Variants in RELN observed in about 807,000 individuals in gnomAD.
RELN encodes reelin.
A neutral mutation model predicts 427.6 loss-of-function variants in RELN; 108 were observed. That is an observed-to-expected ratio of 0.25 (90% CI 0.22 to 0.30). The LOEUF is 0.30. RELN is among the 10% of genes least tolerant of loss of function. The probability of loss-of-function intolerance (pLI) is 1.00; values close to 1 mark genes in which losing one functional copy is unlikely to be tolerated. For missense variants in RELN, 3,715 were observed against 4,302.8 expected, an observed-to-expected ratio of 0.86 and a Z score of 3.82; for synonymous variants, 1,524 against 1,513.4, an observed-to-expected ratio of 1.01 and a Z score of -0.16.
chr7:103,730,174 G>T (rs1303482062), intron 6 of RELN, among the ~76,000 whole-genome samples: 1 of 152,094 alleles, frequency 6.6e-6, no homozygotes, highest in African/African-American at 2.4e-5. Flanking sequence ...TGTCTCCAGT[G>T]ACTCTAAACT....
At chr7:103,627,729 C>T (rs1226068590) in intron 20 of RELN, among the ~76,000 whole-genome samples, 1 of 152,128 alleles carries the variant, frequency 6.6e-6, no homozygotes, top group African/African-American at 2.4e-5. Flanking sequence ...GCTCAAGGTG[C>T]CCATGGGGAT....
chr7:103,782,955 G>A (rs1054206792), intron 3 of RELN, among the ~76,000 whole-genome samples: 7 of 152,004 alleles, frequency 4.6e-5, no homozygotes, highest in African/African-American at 1.7e-4. Context: ...AAGAGCATTC[G>A]TTAATCAGCA....
chr7:103,662,142 G>T (rs1833157044), intron 11 of RELN, among the ~76,000 whole-genome samples: 1 of 152,082 alleles, frequency 6.6e-6, no homozygotes, highest in Non-Finnish European at 1.5e-5. Flanking sequence ...AATTCTCACA[G>T]TGACCCTATG....
At chr7:103,628,255 T>TA (rs1229170200) in intron 20 of RELN, 1 of 152,126 alleles carries the variant, frequency 6.6e-6, no homozygotes, top group African/African-American at 2.4e-5. Context: ...AGAACATCTG[T>TA]AAAAACAAGC....
At chr7:103,912,824 G>T (rs915245800) in intron 2 of RELN, among the ~76,000 whole-genome samples, 1 of 151,972 alleles carries the variant, frequency 6.6e-6, no homozygotes, top group Non-Finnish European at 1.5e-5. Flanking sequence ...TTGTATGAAA[G>T]GATATTCAAA....
Position 103,804,425 on chromosome 7 carries a change from C to A in RELN, c.474-27798G>T, listed in dbSNP as rs115511967. On this transcript the variant is annotated intron_variant, in intron 3 of 64. Transcript: ENST00000428762. ...TTATGCTCTGAATGTCTGACAAATT[C>A]GGAATAATGCCTGTTATACTATGCA... Among the ~76,000 whole-genome samples, 683 of 152,124 alleles carry A rather than the reference C, an allele frequency of 4.5e-3. 11 individuals are homozygous for A. Among genetic ancestry groups the A allele is most frequent in the African/African-American group, 0.016 (651 of 41,528 alleles).
intron 11 of RELN, among the ~76,000 whole-genome samples, chr7:103,670,217 T>C (rs1014021158): frequency 6.6e-6 from 1 of 152,148 alleles, no homozygotes. Context: ...TGATATGCAT[T>C]CTTGGTAGGG....
intron 28 of RELN, among the ~76,000 whole-genome samples, chr7:103,583,083 T>TG (rs1282988710): frequency 6.6e-6 from 1 of 152,174 alleles, no homozygotes; most frequent in Non-Finnish European, 1.5e-5. Flanking sequence ...TTACAGGCTG[T>TG]GGGGGGAAAG....
intron 46 of RELN, 90 bp downstream of exon 46, chr7:103,535,225 CA>C: frequency 8.1e-7 from 1 of 1,228,838 alleles, no homozygotes; most frequent in Non-Finnish European, 1.2e-6. Flanking sequence ...AAAACCCTCA[CA>C]TATCTCATTA....
intron 1 of RELN, among the ~76,000 whole-genome samples, chr7:103,919,407 G>A (rs1795563814): frequency 6.6e-6 from 1 of 152,008 alleles, no homozygotes; most frequent in Admixed American, 6.6e-5. Flanking sequence ...TCACACCAAG[G>A]AACTTCGACT....
At chr7:103,560,222 C>T (rs1830613559) in intron 36 of RELN, among the ~76,000 whole-genome samples, 1 of 152,140 alleles carries the variant, frequency 6.6e-6, no homozygotes, top group African/African-American at 2.4e-5. Flanking sequence ...TTGCAACAAA[C>T]AAGCTATTTT....
intron 16 of RELN, among the ~76,000 whole-genome samples, chr7:103,643,336 T>G (rs183981224): frequency 2.0e-5 from 3 of 152,138 alleles, no homozygotes; most frequent in Non-Finnish European, 4.4e-5. Context: ...TCTCTGAAAA[T>G]AGGAATGCTA....
At chr7:103,670,440 G>T (rs1012063) in intron 11 of RELN, among the ~76,000 whole-genome samples, 2 of 151,796 alleles carry the variant, frequency 1.3e-5, no homozygotes, top group Non-Finnish European at 2.9e-5. Flanking sequence ...AATAATGAAG[G>T]TCTATATTTA....
At chr7:103,672,281 T>C (rs1833410138) in intron 11 of RELN, among the ~76,000 whole-genome samples, 1 of 152,132 alleles carries the variant, frequency 6.6e-6, no homozygotes, top group South Asian at 2.1e-4. Context: ...GCATTCTGGA[T>C]GCTCACATGG....
chr7:103,526,623 TA>T (rs768185445), intron 46 of RELN, among the ~76,000 whole-genome samples: 8 of 152,168 alleles, frequency 5.3e-5, no homozygotes, highest in Non-Finnish European at 1.0e-4. Flanking sequence ...GAATATAAGT[TA>T]AAAATGAGAG....
At chr7:103,474,205 TCAAAGG>T (rs1827951531) in intron 64 of RELN, among the ~76,000 whole-genome samples, 1 of 151,818 alleles carries the variant, frequency 6.6e-6, no homozygotes, top group Non-Finnish European at 1.5e-5. Flanking sequence ...ATAAAATATC[TCAAAGG>T]AAAAGACATA....
chr7:103,595,115 A>G (rs755719358), intron 25 of RELN, among the ~76,000 whole-genome samples: 167 of 152,240 alleles, frequency 1.1e-3, no homozygotes, highest in Non-Finnish European at 7.1e-4. Context: ...GTAATTTTTC[A>G]TCACAAAGAC....
Position 103,575,533 on chromosome 7 carries a change from T to A in RELN, c.4303+15A>T, listed in dbSNP as rs756172687. On this transcript the variant is annotated intron_variant, in intron 29 of 64. Coordinates refer to ENST00000428762, the MANE Select transcript of RELN (RefSeq NM_005045.4). ...TTTTACAATAAAACCCTCAGACACA[T>A]GTATTTAGCCTTACCAGTATATCCC... The A allele has an allele frequency of 6.2e-7, 1 of 1,612,920 alleles. No homozygotes were observed. Among genetic ancestry groups the A allele is most frequent in the Non-Finnish European group, 8.5e-7 (1 of 1,178,930 alleles).
chr7:103,947,499 GAT>G, intron 1 of RELN, among the ~76,000 whole-genome samples: 1 of 152,130 alleles, frequency 6.6e-6, no homozygotes, highest in East Asian at 1.9e-4. Flanking sequence ...ATATGGAAAA[GAT>G]AGCCATCTAC....
Sources: allele counts gnomAD v4.1 joint callset (sites outside exome capture counted in the v4.1 genomes callset), GRCh38; gene constraint gnomAD v4.1.1; transcripts MANE v1.5; gene names NCBI Gene and HGNC (gene_info 2026-07-23, HGNC 2026-07-21).